The following PPP1R9A variants were observed in gnomAD, a reference collection of about 807,000 sequenced individuals.
The protein encoded by PPP1R9A is protein phosphatase 1 regulatory subunit 9A.
A neutral mutation model predicts 141.9 loss-of-function variants in PPP1R9A; 59 were observed. The observed-to-expected ratio is 0.42, with a 90% CI of 0.34 to 0.52. PPP1R9A has a LOEUF of 0.52. Ranked by LOEUF, PPP1R9A falls within the 20% of genes least tolerant of loss-of-function variation. The pLI, the probability that PPP1R9A is intolerant of heterozygous loss-of-function variation, is 0.10. For missense variants in PPP1R9A, 1,444 were observed against 1,611.9 expected (o/e 0.90, Z 1.78); for synonymous variants, 500 against 569.7 (o/e 0.88, Z 1.74).
chr7:95,041,799 CTTA>C (rs1273464293), intron 2 of PPP1R9A, among the ~76,000 whole-genome samples: 1 of 151,882 alleles, frequency 6.6e-6, no homozygotes, highest in Admixed American at 6.6e-5. Context: ...CATTATTTTA[CTTA>C]TTATTATAAT....
Position 94,974,517 on chromosome 7 carries a change from A to G in PPP1R9A, c.1395+63009A>G, listed in dbSNP as rs562268115. On this transcript the variant is annotated intron_variant, in intron 2 of 19. Transcript: ENST00000433360. Reference sequence around the variant, plus strand: ...GTAGTGTGAGAGTGGATGATGTATCAGAGGAAGGTGTTGGAAAAAGAACAA... The same window carrying G: ...GTAGTGTGAGAGTGGATGATGTATCGGAGGAAGGTGTTGGAAAAAGAACAA... Among the ~76,000 whole-genome samples, 117 of 152,334 alleles carry G rather than the reference A, an allele frequency of 7.7e-4. 2 individuals carry two copies. The South Asian group carries it at 8.9e-3, about 12-fold the overall frequency.
chr7:95,245,118 C>T lies in PPP1R9A; in HGVS notation c.2113-2355C>T, dbSNP rs191408652. The stretch of plus-strand genomic sequence containing the variant: ...CTAAGTGTATGGATTTTCTGGATGC[C>T]TTAGCACATAGCCATGTATGTTTGT... On this transcript the variant is annotated intron_variant, in intron 8 of 19. Coordinates refer to ENST00000433360, the MANE Select transcript of PPP1R9A (RefSeq NM_001166160.2). 2.0e-3 allele frequency among the ~76,000 whole-genome samples: 297 copies of T among 152,252 alleles called. 1 individual carries two copies. Among genetic ancestry groups the T allele is most frequent in the African/African-American group, 6.9e-3 (285 of 41,554 alleles).
chr7:95,103,633 G>T (rs1199549450), intron 2 of PPP1R9A, among the ~76,000 whole-genome samples: 1 of 152,118 alleles, frequency 6.6e-6, no homozygotes, highest in Non-Finnish European at 1.5e-5. Flanking sequence ...CTCCCAAAGT[G>T]CTGGGATTAC....
intron 2 of PPP1R9A, among the ~76,000 whole-genome samples, chr7:94,985,308 G>A (rs980266969): frequency 2.6e-5 from 4 of 152,154 alleles, no homozygotes; most frequent in African/African-American, 9.7e-5. Flanking sequence ...TGTTGATTTG[G>A]GGTGGAGAGT....
intron 18 of PPP1R9A, chr7:95,286,978 T>G: frequency 1.1e-6 from 1 of 939,210 alleles, no homozygotes; most frequent in Non-Finnish European, 1.6e-6. Context: ...TTTTTTTTCT[T>G]GTAAGCTTTT....
chr7:95,182,599 T>TG, intron 5 of PPP1R9A, among the ~76,000 whole-genome samples: 1 of 152,338 alleles, frequency 6.6e-6, no homozygotes, highest in South Asian at 2.1e-4. Flanking sequence ...TTTAGTTTTG[T>TG]GATTTTGAAT....
intron 2 of PPP1R9A, among the ~76,000 whole-genome samples, chr7:94,999,780 T>TTTTA (rs1326457578): frequency 0.01 from 935 of 89,114 alleles, 11 homozygotes; most frequent in African/African-American, 0.032. Flanking sequence ...TATCTTATTT[T>TTTTA]ATTTATTTAT....
At chr7:95,106,669 G>A (rs1343421583) in intron 2 of PPP1R9A, among the ~76,000 whole-genome samples, 2 of 152,096 alleles carry the variant, frequency 1.3e-5, no homozygotes, top group Non-Finnish European at 2.9e-5. Flanking sequence ...AAGTATTTCT[G>A]TAAACACTTA....
chr7:95,235,661 A>T (rs758397092), intron 8 of PPP1R9A, among the ~76,000 whole-genome samples: 1 of 151,924 alleles, frequency 6.6e-6, no homozygotes, highest in Non-Finnish European at 1.5e-5. Context: ...TCCAGTGGAA[A>T]AGAACTCATT....
rs1324814104 is a variant in PPP1R9A at position 95,284,168 on chromosome 7, C to T, written c.3447C>T (p.Ser1149=). 1 of 1,587,376 alleles carries T rather than the reference C, an allele frequency of 6.3e-7. No individual in the cohort carries two copies. The highest frequency in any genetic ancestry group is 2.2e-5 in the East Asian group (1 of 44,794). ...SFRNLPAPTS[S]LQPSPETLIS... ...GGAACCTGCCTGCGCCTACAAGTTC[C>T]CTTCAGCCTTCTCCTGAGACTCTAA... Residue 1149 remains serine (S), a synonymous_variant, in exon 17 of 20, where the codon TCC becomes TCT. Coordinates refer to ENST00000433360, the MANE Select transcript of PPP1R9A (RefSeq NM_001166160.2).
intron 2 of PPP1R9A, among the ~76,000 whole-genome samples, chr7:95,022,151 C>T (rs1806065341): frequency 6.6e-6 from 1 of 152,106 alleles, no homozygotes; most frequent in South Asian, 2.1e-4. Context: ...TTTCCTTGAG[C>T]AGTGGTTTGT....
At chr7:95,002,679 C>G (rs1466274217) in intron 2 of PPP1R9A, among the ~76,000 whole-genome samples, 2 of 152,122 alleles carry the variant, frequency 1.3e-5, no homozygotes, top group African/African-American at 4.8e-5. Flanking sequence ...CTATCATCTC[C>G]TAGGCAAAAA....
chr7:95,146,856 A>G lies in PPP1R9A; in HGVS notation c.1650-15011A>G, dbSNP rs751945737. 2.6e-5 allele frequency among the ~76,000 whole-genome samples: 4 copies of G among 152,106 alleles called. No homozygotes were observed. In the South Asian group the frequency reaches 8.3e-4, roughly 32 times the overall value. On this transcript the variant is annotated intron_variant, in intron 4 of 19. Coordinates refer to ENST00000433360, the MANE Select transcript of PPP1R9A (RefSeq NM_001166160.2). Reference sequence around the variant, plus strand: ...CCTCTGTTGTGTTCCATTGGCTTATATATCTGTTTTGGTACCAGTATCTTG... The same window carrying G: ...CCTCTGTTGTGTTCCATTGGCTTATGTATCTGTTTTGGTACCAGTATCTTG...
chr7:95,120,588 C>A, intron 3 of PPP1R9A, 124 bp from the exon 4 acceptor site: 2 of 1,047,072 alleles, frequency 1.9e-6, no homozygotes, highest in Non-Finnish European at 2.7e-6. Context: ...CTAAAGCAAG[C>A]ATGTTATTGT....
At chr7:95,102,522 T>C (rs903545472) in intron 2 of PPP1R9A, among the ~76,000 whole-genome samples, 4 of 152,222 alleles carry the variant, frequency 2.6e-5, no homozygotes, top group East Asian at 1.9e-4. Flanking sequence ...CCCAGTGAGT[T>C]GGCCAAGCCC....
At chr7:95,157,255 C>A (rs79856499) in intron 4 of PPP1R9A, among the ~76,000 whole-genome samples, 2,652 of 152,124 alleles carry the variant, frequency 0.017, 23 homozygotes, top group Non-Finnish European at 0.029. Context: ...TCAGCTCCCC[C>A]TCTCCCCCCC....
rs952701740 is a variant in PPP1R9A, at chr7:95,294,198, G to A, written c.*3895G>A. On this transcript the variant is annotated 3_prime_UTR_variant, in exon 20 of 20. Transcript: ENST00000433360. ...CTTTTCAAATTTACTTTTTATTAAG[G>A]ATGTACCTGTGCACTATTCTAAAGC... The A allele has an allele frequency of 5.9e-5, 9 of 151,668 alleles. No homozygotes were observed. Among genetic ancestry groups the A allele is most frequent in the African/African-American group, 2.2e-4 (9 of 41,244 alleles). The allele number at this position is 151,668 out of a possible 1,614,324, so 9.4% of individuals were successfully genotyped here.
intron 5 of PPP1R9A, among the ~76,000 whole-genome samples, chr7:95,191,041 CCT>C (rs1835422271): frequency 6.6e-6 from 1 of 152,184 alleles, no homozygotes; most frequent in Admixed American, 6.5e-5. Flanking sequence ...ATTTTTATAA[CCT>C]CTCGTCATTT....
At position 94,944,136 on chromosome 7, in the gene PPP1R9A, T is replaced by G. The variant is rs1795630880; in HGVS notation, c.1395+32628T>G. Reference sequence around the variant, plus strand: ...ACTGAGATATCCATCACGTTATACTTTCATCTTTCCTTGTGTTGGGAACAT... The same window carrying G: ...ACTGAGATATCCATCACGTTATACTGTCATCTTTCCTTGTGTTGGGAACAT... On this transcript the variant is annotated intron_variant, in intron 2 of 19. Transcript: ENST00000433360. Among the ~76,000 whole-genome samples the G allele has an allele frequency of 2.0e-5, 3 of 152,154 alleles. No homozygotes were observed. In the South Asian group the frequency reaches 6.2e-4, roughly 32 times the overall value.
Sources: allele counts gnomAD v4.1 joint callset (sites outside exome capture counted in the v4.1 genomes callset), GRCh38; gene constraint gnomAD v4.1.1; transcripts MANE v1.5; gene names NCBI Gene and HGNC (gene_info 2026-07-23, HGNC 2026-07-21).